DLGAP4: variants seen among roughly 807,000 people sequenced by gnomAD.
DLGAP4 encodes DLG associated protein 4.
DLGAP4 carries 18 observed loss-of-function variants against 86.9 expected under a neutral mutation model. The observed-to-expected ratio is 0.21, with a 90% CI of 0.14 to 0.31. The LOEUF (loss-of-function observed/expected upper bound fraction) is 0.31, where lower values mean the gene tolerates loss of function less well. Ranked by LOEUF, DLGAP4 falls within the 10% of genes least tolerant of loss-of-function variation. The probability of loss-of-function intolerance (pLI) is 1.00; values close to 1 mark genes in which losing one functional copy is unlikely to be tolerated. For missense variants in DLGAP4, 1,085 were observed against 1,362.6 expected, an observed-to-expected ratio of 0.80 and a Z score of 3.21; for synonymous variants, 548 against 574.3, an observed-to-expected ratio of 0.95 and a Z score of 0.65.
chr20:36,423,383 G>C (rs868790793), intron 2 of DLGAP4, among the ~76,000 whole-genome samples: 11 of 150,340 alleles, frequency 7.3e-5, no homozygotes, highest in Middle Eastern at 3.4e-3. Context: ...TTGAACTCGG[G>C]GGGCAGAGGT....
intron 1 of DLGAP4, among the ~76,000 whole-genome samples, chr20:36,349,746 C>A (rs1325117586): frequency 6.6e-6 from 1 of 152,154 alleles, no homozygotes; most frequent in Non-Finnish European, 1.5e-5. Context: ...TTGCCCGGGG[C>A]AGTTCTGGAG....
chr20:36,315,046 T>TTTG (rs2065085122), intron 1 of DLGAP4, among the ~76,000 whole-genome samples: 2 of 4,380 alleles, frequency 4.6e-4, no homozygotes, highest in Non-Finnish European at 1.0e-3. Context: ...GTGTGGTGTG[T>TTTG]TGCGCCCCCC....
At chr20:36,463,427 C>T (rs1049967797) in intron 7 of DLGAP4, among the ~76,000 whole-genome samples, 2 of 152,202 alleles carry the variant, frequency 1.3e-5, no homozygotes, top group African/African-American at 4.8e-5. Context: ...TGGCTGGCTC[C>T]TGCCAGAGCT....
intron 10 of DLGAP4, among the ~76,000 whole-genome samples, chr20:36,523,964 C>T (rs2037542340): frequency 1.3e-5 from 2 of 152,146 alleles, no homozygotes; most frequent in Non-Finnish European, 2.9e-5. Context: ...CGCAGCCTCT[C>T]TTAAGACCAT....
intron 10 of DLGAP4, among the ~76,000 whole-genome samples, chr20:36,512,364 T>A (rs1472540890): frequency 6.6e-6 from 1 of 152,052 alleles, no homozygotes; most frequent in Non-Finnish European, 1.5e-5. Context: ...GTCTCTCTGA[T>A]CTTATTGATA....
chr20:36,483,935 C>T (rs2035299473), intron 7 of DLGAP4, among the ~76,000 whole-genome samples: 1 of 152,192 alleles, frequency 6.6e-6, no homozygotes. Context: ...CCCATTTAGG[C>T]CCTTTTAGGC....
chr20:36,364,756 A>T (rs1355200637), intron 1 of DLGAP4, among the ~76,000 whole-genome samples: 6 of 152,314 alleles, frequency 3.9e-5, no homozygotes, highest in African/African-American at 1.4e-4. Flanking sequence ...AGCATCACAG[A>T]TGGCCCGGAC....
chr20:36,421,515 G>T (rs2032826930), intron 2 of DLGAP4, among the ~76,000 whole-genome samples: 2 of 151,962 alleles, frequency 1.3e-5, no homozygotes, highest in Admixed American at 1.3e-4. Context: ...TCTTTGAAAG[G>T]ATCTGAACAG....
intron 1 of DLGAP4, among the ~76,000 whole-genome samples, chr20:36,314,900 G>GC (rs2065081823): frequency 7.5e-6 from 1 of 133,274 alleles, no homozygotes; most frequent in African/African-American, 2.8e-5. Context: ...GATGTGTGGT[G>GC]TGTGATGTGT....
At chr20:36,349,413 A>G (rs6028420) in intron 1 of DLGAP4, among the ~76,000 whole-genome samples, 110,805 of 147,398 alleles carry the variant, frequency 0.75, 42,828 homozygotes, top group African/African-American at 0.94. Context: ...GCAAGACTCC[A>G]TCTCCAAAAA....
At chr20:36,484,334 T>C (rs1318681608) in intron 7 of DLGAP4, among the ~76,000 whole-genome samples, 1 of 152,208 alleles carries the variant, frequency 6.6e-6, no homozygotes, top group Non-Finnish European at 1.5e-5. Flanking sequence ...TGGGTGTGCC[T>C]AGAAGCATCG....
intron 5 of DLGAP4, among the ~76,000 whole-genome samples, chr20:36,442,417 T>C (rs2033473131): frequency 6.6e-6 from 1 of 152,136 alleles, no homozygotes; most frequent in South Asian, 2.1e-4. Context: ...TGGTCTCGAA[T>C]TCCCAACCTC....
chr20:36,430,955 T>TAA lies in DLGAP4; in HGVS notation c.-72-673_-72-672dup, dbSNP rs5841234. 6.7e-5 allele frequency among the ~76,000 whole-genome samples: 8 copies of TAA among 119,586 alleles called. No individual in the cohort carries two copies. In the South Asian group the frequency reaches 1.4e-3, roughly 21 times the overall value. The allele number at this position is 119,586 out of a possible 152,430, so 78.5% of individuals were successfully genotyped here. On this transcript the variant is annotated intron_variant, in intron 2 of 12. Transcript: ENST00000339266. Reference sequence around the variant, plus strand: ...GGGTAACAGAGTGAGACTCTGTCTCTAAAAAAAAAAAAAAAAAAAGACCTC... The same window carrying TAA: ...GGGTAACAGAGTGAGACTCTGTCTCTAAAAAAAAAAAAAAAAAAAAAGACCTC...
At chr20:36,378,885 T>C (rs912754228) in intron 2 of DLGAP4, among the ~76,000 whole-genome samples, 20 of 152,016 alleles carry the variant, frequency 1.3e-4, no homozygotes, top group Non-Finnish European at 2.4e-4. Flanking sequence ...AAGTTTGAGC[T>C]TCATTCAGCA....
In DLGAP4 at chr20:36,488,056, C is replaced by T. The variant is rs924190907; in HGVS notation, c.1649-8649C>T. ...CTCTACTAAAAATACAAAAATTAGC[C>T]GGGCATGGTGGCGCGCGCCTATAAT... is the stretch of plus-strand genomic sequence containing the variant. On this transcript the variant is annotated intron_variant, in intron 7 of 12. Coordinates refer to ENST00000339266, the MANE Select transcript of DLGAP4 (RefSeq NM_001365621.2). 1.6e-4 allele frequency among the ~76,000 whole-genome samples: 25 copies of T among 151,918 alleles called. No individual in the cohort carries two copies. In the East Asian group the frequency reaches 3.3e-3, roughly 20 times the overall value.
chr20:36,359,729 G>C (rs2147401347), intron 1 of DLGAP4, among the ~76,000 whole-genome samples: 1 of 152,314 alleles, frequency 6.6e-6, no homozygotes, highest in East Asian at 1.9e-4. Flanking sequence ...GGTGTTCCTA[G>C]AGCTGTGAGA....
At chr20:36,373,628 C>A (rs1023902085) in intron 2 of DLGAP4, among the ~76,000 whole-genome samples, 4 of 152,030 alleles carry the variant, frequency 2.6e-5, no homozygotes, top group Non-Finnish European at 4.4e-5. Flanking sequence ...TAGGCTATGA[C>A]CTAAAGTAGA....
At chr20:36,387,681 G>A (rs145727061) in intron 2 of DLGAP4, among the ~76,000 whole-genome samples, 18 of 152,042 alleles carry the variant, frequency 1.2e-4, no homozygotes, top group Admixed American at 7.2e-4. Flanking sequence ...CTTTGCATGC[G>A]GTGTGAAATA....
chr20:36,475,305 G>A (rs1264760900), intron 7 of DLGAP4, among the ~76,000 whole-genome samples: 4 of 152,156 alleles, frequency 2.6e-5, no homozygotes. Context: ...TCGCCTGCCG[G>A]GTTCAAGTGA....
Sources: gnomAD v4.1 joint callset for allele counts (sites outside exome capture counted in the v4.1 genomes callset) on GRCh38, gnomAD v4.1.1 for gene constraint, MANE v1.5 for transcripts, NCBI Gene and HGNC (gene_info 2026-07-23, HGNC 2026-07-21) for gene names.